The following AMY2B variants were observed in gnomAD, a reference collection of about 807,000 sequenced individuals.
AMY2B encodes the protein alpha-amylase 2B.
A neutral mutation model predicts 59.3 loss-of-function variants in AMY2B; 63 were observed. The observed-to-expected ratio is 1.06, with a 90% confidence interval of 0.87 to 1.31. AMY2B has a LOEUF of 1.31. AMY2B is among the 50% of genes most tolerant of loss of function. The pLI is 0.00. For synonymous variants in AMY2B, 180 were observed against 198.1 expected, an observed-to-expected ratio of 0.91 and a Z score of 0.77; for missense variants, 635 against 626.7, an observed-to-expected ratio of 1.01 and a Z score of -0.14.
rs564253866 is a variant in AMY2B, at chr1:103,573,062, G to C, written c.316-1G>C. ...ACTGAAGTAGAAACTTTGCTTTCTA[G>C]GTTCGTATTTATGTGGATGCTGTAA... On this transcript the variant is annotated splice_acceptor_variant, in intron 2 of 9. Transcript: ENST00000684275. LOFTEE classifies it high-confidence loss of function. The C allele has an allele frequency of 2.5e-6, 4 of 1,613,376 alleles. No homozygotes were observed. The Admixed American group carries it at 5.0e-5, about 20-fold the overall frequency.
chr1:103,557,578 C>A (rs770004656), intron 1 of AMY2B, among the ~76,000 whole-genome samples: 2 of 151,574 alleles, frequency 1.3e-5, no homozygotes, highest in Non-Finnish European at 2.9e-5. Flanking sequence ...CATTTGAACC[C>A]GAAGGTGGAG....
At chr1:103,554,694 T>A (rs1358114134), upstream of AMY2B, 1 of 152,616 alleles carries the variant, frequency 6.6e-6, no homozygotes, top group African/African-American at 2.4e-5. Context: ...CTTATATTAA[T>A]AACTAGGAAA....
In AMY2B at chr1:103,573,865, C is replaced by T. The variant is rs749735334; in HGVS notation, c.671C>T (p.Ala224Val). 9 of 1,613,804 alleles carry T rather than the reference C, an allele frequency of 5.6e-6. No homozygotes were observed. The highest frequency in any genetic ancestry group is 6.8e-6 in the Non-Finnish European group (8 of 1,179,768). ...SKHMWPGDIK[A>V]ILDKLHNLNS... ...CACATGTGGCCTGGAGACATAAAGG[C>T]AATTTTGGACAAACTGCATAATCTA... is the stretch of plus-strand genomic sequence containing the variant. Residue 224 changes from alanine to valine, a missense_variant, in exon 4 of 10, where the codon GCA becomes GTA. Coordinates refer to ENST00000684275, the MANE Select transcript of AMY2B (RefSeq NM_001387437.1).
chr1:103,571,505 C>T (rs1338146643), upstream of AMY2B: 3 of 1,576,344 alleles, frequency 1.9e-6, no homozygotes, highest in African/African-American at 2.7e-5. Context: ...ACAGTTTGCC[C>T]TCAAGTATTT....
At chr1:103,576,222 A>G (rs1441179255) in intron 7 of AMY2B, among the ~76,000 whole-genome samples, 2 of 152,194 alleles carry the variant, frequency 1.3e-5, no homozygotes, top group Admixed American at 6.5e-5. Context: ...AAACAGCATC[A>G]GAGACTTCAG....
At chr1:103,569,951 G>A (rs577445497), upstream of AMY2B, 15 of 466,540 alleles carry the variant, frequency 3.2e-5, no homozygotes, top group East Asian at 3.8e-4. Context: ...GGCCATGTAC[G>A]TGGCCATCCA....
chr1:103,573,195 G>A lies in AMY2B; in HGVS notation c.448G>A (p.Asp150Asn). 3 of 1,613,748 alleles carry A rather than the reference G, an allele frequency of 1.9e-6. No individual in the cohort carries two copies. The South Asian group carries it at 3.3e-5, about 18-fold the overall frequency. The change falls in exon 3 of 10, where the codon GAT (aspartate) becomes AAT (asparagine). Residue 150 changes from aspartate (D) to asparagine (N), a missense_variant. Physicochemically the swap from Asp to Asn is conservative, Grantham distance 23 (BLOSUM62 1). Coordinates refer to ENST00000684275, the MANE Select transcript of AMY2B (RefSeq NM_001387437.1). ...DFPAVPYSGW[D>N]FNDGKCKTGS... is the part of the protein sequence containing the mutation. Reference sequence around the variant, plus strand: ...TCCAGCAGTCCCATATTCTGGATGGGATTTTAATGATGGTAAATGTAAAAC... The same window carrying A: ...TCCAGCAGTCCCATATTCTGGATGGAATTTTAATGATGGTAAATGTAAAAC...
At chr1:103,570,239 C>G, upstream of AMY2B, 1 of 531,192 alleles carries the variant, frequency 1.9e-6, no homozygotes, top group Non-Finnish European at 3.8e-6. Context: ...ATGGCCACTG[C>G]CACATCCTCC....
intron 1 of AMY2B, among the ~76,000 whole-genome samples, chr1:103,556,800 G>A (rs1214726234): frequency 6.6e-6 from 1 of 152,054 alleles, no homozygotes; most frequent in Non-Finnish European, 1.5e-5. Flanking sequence ...ACTGTGCTGA[G>A]TGCTTTTTGT....
At chr1:103,563,049 C>CTTT (rs2101063555) in intron 1 of AMY2B, among the ~76,000 whole-genome samples, 1 of 152,002 alleles carries the variant, frequency 6.6e-6, no homozygotes, top group Admixed American at 6.6e-5. Flanking sequence ...TGAAAAAATA[C>CTTT]TTTTGAGACC....
At chr1:103,565,268 A>G (rs1206498740) in intron 1 of AMY2B, 2 of 152,188 alleles carry the variant, frequency 1.3e-5, no homozygotes, top group African/African-American at 2.4e-5. Context: ...TAACCAATGC[A>G]CATCCTCCTG....
At chr1:103,576,208 T>C (rs1652347231) in intron 7 of AMY2B, among the ~76,000 whole-genome samples, 1 of 152,172 alleles carries the variant, frequency 6.6e-6, no homozygotes, top group Non-Finnish European at 1.5e-5. Flanking sequence ...ACTAAAGGGT[T>C]CAGAAACAGC....
At chr1:103,556,755 G>A (rs1295028577) in intron 1 of AMY2B, among the ~76,000 whole-genome samples, 2 of 152,038 alleles carry the variant, frequency 1.3e-5, no homozygotes, top group African/African-American at 4.8e-5. Context: ...GAGATTGAAA[G>A]CATTATCTAA....
upstream of AMY2B, chr1:103,570,846 G>C (rs909023311): frequency 1.7e-5 from 7 of 400,622 alleles, no homozygotes; most frequent in East Asian, 2.1e-4. Flanking sequence ...TGTAGAACTT[G>C]TTCCTGATTT....
chr1:103,578,276 T>C (rs558969222), intron 9 of AMY2B, among the ~76,000 whole-genome samples: 1 of 152,350 alleles, frequency 6.6e-6, no homozygotes, highest in East Asian at 1.9e-4. Context: ...GACTGCTCTA[T>C]GTAGTTTTTT....
At chr1:103,556,531 T>G (rs374014067) in intron 1 of AMY2B, among the ~76,000 whole-genome samples, 2 of 151,688 alleles carry the variant, frequency 1.3e-5, no homozygotes, top group African/African-American at 4.8e-5. Context: ...AAGAGTGGGG[T>G]GGCTGAAATT....
chr1:103,560,776 C>A (rs1651706547), intron 1 of AMY2B, among the ~76,000 whole-genome samples: 1 of 151,612 alleles, frequency 6.6e-6, no homozygotes, highest in African/African-American at 2.4e-5. Flanking sequence ...TACTGTTAAT[C>A]TTTTAAAAAT....
At chr1:103,572,334 C>G in intron 2 of AMY2B, 78 bp downstream of exon 2, 1 of 1,546,076 alleles carries the variant, frequency 6.5e-7, no homozygotes, top group Non-Finnish European at 8.7e-7. Context: ...TCCTTTTCAG[C>G]AGAAAGTTTT....
intron 9 of AMY2B, 78 bp from the exon 10 acceptor site, chr1:103,579,233 G>A (rs1400711077): frequency 1.9e-6 from 3 of 1,609,456 alleles, no homozygotes; most frequent in African/African-American, 1.3e-5. Context: ...ACAACATAAA[G>A]TTATGCTGTT....
Sources: allele counts gnomAD v4.1 joint callset (sites outside exome capture counted in the v4.1 genomes callset), GRCh38; gene constraint gnomAD v4.1.1; transcripts MANE v1.5; gene names NCBI Gene and HGNC (gene_info 2026-07-23, HGNC 2026-07-21).